Variants in LRCH1 observed in about 807,000 individuals in gnomAD.
LRCH1 encodes leucine rich repeats and calponin homology domain containing 1.
Under a neutral mutation model 94.9 loss-of-function variants are expected in LRCH1, and 23 were observed. The ratio of observed to expected loss-of-function variants is 0.24; its 90% CI spans 0.17 to 0.34. The LOEUF is 0.34. Among genes scored for constraint, LRCH1 ranks in the 10% least tolerant of loss-of-function variants. The pLI, the probability that LRCH1 is intolerant of heterozygous loss-of-function variation, is 1.00. For synonymous variants in LRCH1, 364 were observed against 354.9 expected, an observed-to-expected ratio of 1.03 and a Z score of -0.29; for missense variants, 790 against 945.9, an observed-to-expected ratio of 0.84 and a Z score of 2.16.
downstream of LRCH1, among the ~76,000 whole-genome samples, chr13:46,748,075 T>TA (rs1286824893): frequency 6.6e-6 from 1 of 152,192 alleles, no homozygotes; most frequent in Non-Finnish European, 1.5e-5. Flanking sequence ...TACTTTTTTT[T>TA]AAAGTGTTAC....
chr13:46,702,490 A>G (rs971412912), intron 11 of LRCH1, among the ~76,000 whole-genome samples: 3 of 152,204 alleles, frequency 2.0e-5, no homozygotes, highest in African/African-American at 7.2e-5. Context: ...TGACAGAGTG[A>G]AACTGTGTCT....
Position 46,741,776 on chromosome 13 carries a change from C to G in LRCH1, c.2220C>G (p.Gly740=). ...CCCTCCGCTCCAGGGACCTTATAGGCTTCTGTCTTGTCCATATTCTCTTTA... is the reference window on the plus strand; with the variant it reads ...CCCTCCGCTCCAGGGACCTTATAGGGTTCTGTCTTGTCCATATTCTCTTTA... ...TSALRSRDLI[G]FCLVHILFIV... Residue 740 remains glycine (G), a synonymous_variant, in exon 20 of 20, where the codon GGC becomes GGG. Coordinates refer to ENST00000389797, the MANE Select transcript of LRCH1 (RefSeq NM_001164211.2). The G allele has an allele frequency of 1.2e-6, 2 of 1,614,218 alleles. No individual in the cohort carries two copies. Among genetic ancestry groups the G allele is most frequent in the Non-Finnish European group, 1.7e-6 (2 of 1,180,042 alleles).
At chr13:46,709,925 AT>A (rs1871970314) in intron 13 of LRCH1, among the ~76,000 whole-genome samples, 1 of 152,204 alleles carries the variant, frequency 6.6e-6, no homozygotes, top group African/African-American at 2.4e-5. Context: ...AGTGATAAGG[AT>A]TATGGAGAGC....
intron 3 of LRCH1, among the ~76,000 whole-genome samples, chr13:46,677,118 A>T (rs2051684825): frequency 6.6e-6 from 1 of 152,124 alleles, no homozygotes; most frequent in Non-Finnish European, 1.5e-5. Context: ...TTAAAAAAAT[A>T]CTTCTAGTCA....
intron 18 of LRCH1, among the ~76,000 whole-genome samples, chr13:46,730,226 G>A (rs1232118448): frequency 1.3e-5 from 2 of 152,136 alleles, no homozygotes; most frequent in Non-Finnish European, 2.9e-5. Flanking sequence ...ACAACTTTGG[G>A]CAATCCTCTC....
chr13:46,743,597 T>A lies in LRCH1; in HGVS notation c.*1749T>A. The A allele has an allele frequency of 1.0e-6, 1 of 985,718 alleles. No homozygotes were observed. Among genetic ancestry groups the A allele is most frequent in the Non-Finnish European group, 1.2e-6 (1 of 829,928 alleles). 61.1% of individuals were successfully genotyped at this position (985,718 alleles called of 1,614,324 possible). On this transcript the variant is annotated 3_prime_UTR_variant, in exon 20 of 20. Transcript: ENST00000389797. ...TTAATAAACACATTTTGGGTGATTA[T>A]TCCAAGTTTTTATCAGCCCATTGAT...
chr13:46,709,758 T>C (rs1010249897), intron 13 of LRCH1, among the ~76,000 whole-genome samples: 2 of 152,084 alleles, frequency 1.3e-5, no homozygotes, highest in Non-Finnish European at 2.9e-5. Context: ...GAGTATTTGG[T>C]ATAAGGAATT....
At chr13:46,701,908 C>T (rs1251343031) in intron 11 of LRCH1, among the ~76,000 whole-genome samples, 2 of 152,150 alleles carry the variant, frequency 1.3e-5, no homozygotes, top group African/African-American at 2.4e-5. Flanking sequence ...GGGAATCACA[C>T]GCAGCAATCC....
At chr13:46,622,803 A>G (rs1594293425) in intron 1 of LRCH1, among the ~76,000 whole-genome samples, 1 of 152,232 alleles carries the variant, frequency 6.6e-6, no homozygotes, top group East Asian at 1.9e-4. Flanking sequence ...ATTTTCCAGC[A>G]ACAGTTAGGA....
rs1747223 is a variant in LRCH1 at position 46,650,546 on chromosome 13, A to G, written c.452+201A>G. Among the ~76,000 whole-genome samples, 112,749 of 151,718 alleles carry G rather than the reference A, an allele frequency of 0.74. 42,367 individuals are homozygous for G. The highest frequency in any genetic ancestry group is 0.91 in the East Asian group (4,711 of 5,180). On this transcript the variant is annotated intron_variant, in intron 2 of 19. Coordinates refer to ENST00000389797, the MANE Select transcript of LRCH1 (RefSeq NM_001164211.2). ...TCCTTGGTGCTAGACTTCCCTGAAT[A>G]TGAATAAGACAAGGTTTTTTTTTAA...
chr13:46,695,625 T>C (rs1473386900), intron 9 of LRCH1, among the ~76,000 whole-genome samples: 1 of 152,224 alleles, frequency 6.6e-6, no homozygotes, highest in Non-Finnish European at 1.5e-5. Context: ...GTGCTTGGTA[T>C]GTTTCTGCCA....
intron 16 of LRCH1, 34 bp downstream of exon 16, chr13:46,715,698 C>T: frequency 7.7e-7 from 1 of 1,293,314 alleles, no homozygotes; most frequent in South Asian, 1.3e-5. Flanking sequence ...CCAATGTTCT[C>T]ATTAATAAGC....
At chr13:46,664,182 T>A (rs2051484953) in intron 2 of LRCH1, among the ~76,000 whole-genome samples, 1 of 152,192 alleles carries the variant, frequency 6.6e-6, no homozygotes, top group Non-Finnish European at 1.5e-5. Context: ...AGGGAAACAT[T>A]AAACCATATT....
chr13:46,602,970 ACATGCATG>A (rs10655429), intron 1 of LRCH1, among the ~76,000 whole-genome samples: 24 of 136,146 alleles, frequency 1.8e-4, no homozygotes, highest in Middle Eastern at 3.8e-3. Context: ...ATGCATACAT[ACATGCATG>A]CATACATACA....
intron 1 of LRCH1, among the ~76,000 whole-genome samples, chr13:46,558,489 A>C (rs2050090963): frequency 7.0e-6 from 1 of 142,154 alleles, no homozygotes; most frequent in Non-Finnish European, 1.5e-5. Flanking sequence ...TAATCCCAGC[A>C]TTTTGGGAGG....
intron 1 of LRCH1, among the ~76,000 whole-genome samples, chr13:46,634,539 A>G (rs2051059705): frequency 6.6e-6 from 1 of 152,060 alleles, no homozygotes; most frequent in Non-Finnish European, 1.5e-5. Context: ...TCTGGAGTGA[A>G]TTTTCCACTC....
At chr13:46,732,994 T>A (rs1222967728) in intron 18 of LRCH1, among the ~76,000 whole-genome samples, 1 of 152,234 alleles carries the variant, frequency 6.6e-6, no homozygotes. Context: ...CTTTTTGTAT[T>A]TAATAAATGC....
At chr13:46,701,951 G>A (rs1871500093) in intron 11 of LRCH1, among the ~76,000 whole-genome samples, 1 of 152,224 alleles carries the variant, frequency 6.6e-6, no homozygotes, top group South Asian at 2.1e-4. Flanking sequence ...GAAAAGCGTA[G>A]TTAGTGTATC....
intron 11 of LRCH1, among the ~76,000 whole-genome samples, chr13:46,703,025 C>T (rs1488179809): frequency 6.6e-6 from 1 of 152,134 alleles, no homozygotes; most frequent in Admixed American, 6.5e-5. Flanking sequence ...TGTTAATTCT[C>T]CCTTATGTTT....
Sources: allele counts gnomAD v4.1 joint callset (sites outside exome capture counted in the v4.1 genomes callset), GRCh38; gene constraint gnomAD v4.1.1; transcripts MANE v1.5; gene names NCBI Gene and HGNC (gene_info 2026-07-23, HGNC 2026-07-21).